The following BAZ2B variants were observed in gnomAD, a reference collection of about 807,000 sequenced individuals.
BAZ2B encodes the protein bromodomain adjacent to zinc finger domain 2B.
Under a neutral mutation model 246.0 loss-of-function variants are expected in BAZ2B, and 91 were observed. That is an observed-to-expected ratio of 0.37 (90% CI 0.31 to 0.44). The LOEUF is 0.44. Among genes scored for constraint, BAZ2B ranks in the 20% least tolerant of loss-of-function variants. The pLI is 1.00. For synonymous variants in BAZ2B, 855 were observed against 860.0 expected, an observed-to-expected ratio of 0.99 and a Z score of 0.10; for missense variants, 2,332 against 2,533.7, an observed-to-expected ratio of 0.92 and a Z score of 1.71.
intron 3 of BAZ2B, among the ~76,000 whole-genome samples, chr2:159,455,574 G>GC (rs2075631664): frequency 6.6e-6 from 1 of 151,914 alleles, no homozygotes; most frequent in African/African-American, 2.4e-5. Context: ...CAAGGAAAGG[G>GC]CATAAACTTG....
chr2:159,445,944 T>C (rs1043408924), intron 6 of BAZ2B, among the ~76,000 whole-genome samples: 3 of 152,088 alleles, frequency 2.0e-5, no homozygotes, highest in Admixed American at 6.5e-5. Context: ...TGAGATCCCA[T>C]CTCTGCAAAA....
At chr2:159,536,953 T>C (rs920622865) in intron 2 of BAZ2B, among the ~76,000 whole-genome samples, 2 of 152,140 alleles carry the variant, frequency 1.3e-5, no homozygotes, top group African/African-American at 4.8e-5. Flanking sequence ...AAAATAAAAA[T>C]ATCACTTTAA....
the BAZ2B span, among the ~76,000 whole-genome samples, chr2:159,700,485 G>A: frequency 5.3e-5 from 8 of 151,942 alleles, no homozygotes; most frequent in Non-Finnish European, 8.8e-5. Context: ...TGTCCCTATC[G>A]CCCAGGCAGG....
At chr2:159,635,364 A>T in the BAZ2B span, among the ~76,000 whole-genome samples, 9 of 150,848 alleles carry the variant, frequency 6.0e-5, no homozygotes, top group African/African-American at 2.2e-4. Context: ...GTAAAAAAAA[A>T]ATAAAAATAA....
downstream of BAZ2B, among the ~76,000 whole-genome samples, chr2:159,318,437 A>T (rs913292622): frequency 5.9e-5 from 9 of 152,198 alleles, no homozygotes; most frequent in East Asian, 1.9e-4. Flanking sequence ...AGTTAAAAAA[A>T]TTTTTTGCAA....
the BAZ2B span, among the ~76,000 whole-genome samples, chr2:159,655,301 A>G: frequency 8.5e-5 from 13 of 152,132 alleles, no homozygotes; most frequent in Non-Finnish European, 1.6e-4. Context: ...TCATTTCTGA[A>G]AGCTAATTTT....
intron 2 of BAZ2B, among the ~76,000 whole-genome samples, chr2:159,511,426 A>G (rs372893871): frequency 4.5e-4 from 68 of 152,200 alleles, no homozygotes; most frequent in African/African-American, 1.6e-3. Flanking sequence ...GGCTGGTCTC[A>G]AACTCCTGAA....
chr2:159,404,055 G>A (rs1172951800), intron 16 of BAZ2B, among the ~76,000 whole-genome samples: 1 of 152,000 alleles, frequency 6.6e-6, no homozygotes, highest in Admixed American at 6.6e-5. Flanking sequence ...CATTTATTTA[G>A]CAGGTATTTA....
the BAZ2B span, chr2:159,694,104 C>CA: frequency 6.6e-6 from 1 of 151,878 alleles, no homozygotes; most frequent in Non-Finnish European, 1.5e-5. Context: ...GGTAAAATGT[C>CA]ATATATGTGG....
intron 2 of BAZ2B, among the ~76,000 whole-genome samples, chr2:159,538,258 T>C (rs1259703305): frequency 6.6e-6 from 1 of 152,212 alleles, no homozygotes; most frequent in Non-Finnish European, 1.5e-5. Context: ...GTCAATTTTA[T>C]AGAAAGGCTT....
At chr2:159,391,507 T>C (rs1218240136) in intron 20 of BAZ2B, among the ~76,000 whole-genome samples, 1 of 152,146 alleles carries the variant, frequency 6.6e-6, no homozygotes, top group Non-Finnish European at 1.5e-5. Flanking sequence ...TACTAGTTAC[T>C]AAAGTTGTTA....
At position 159,616,393 on chromosome 2, in the gene BAZ2B, T is replaced by C. The variant is rs557784403; in HGVS notation, c.-197A>G. On this transcript the variant is annotated 5_prime_UTR_variant, in exon 1 of 37. Coordinates refer to ENST00000392783, the MANE Select transcript of BAZ2B (RefSeq NM_013450.4). ...AAAGAGAGTTGTAGTGGAGGTGAGA[T>C]TTGTGATCGGGAAAGCCTTCGACTC... is the stretch of plus-strand genomic sequence containing the variant. 6.6e-6 allele frequency: 1 copy of C among 152,344 alleles called. No homozygotes were observed. The highest frequency in any genetic ancestry group is 2.4e-5 in the African/African-American group (1 of 41,572). 9.4% of individuals were successfully genotyped at this position (152,344 alleles called of 1,614,324 possible). A position where few individuals can be genotyped will look rare whatever the true frequency, so the allele number is the denominator to read the frequency against.
At chr2:159,320,694 C>G (rs1214972208) in intron 36 of BAZ2B, among the ~76,000 whole-genome samples, 1 of 152,182 alleles carries the variant, frequency 6.6e-6, no homozygotes, top group Non-Finnish European at 1.5e-5. Flanking sequence ...TAACCCAACT[C>G]CTGTTTGACC....
chr2:159,426,537 T>C (rs2069929391), intron 13 of BAZ2B, among the ~76,000 whole-genome samples: 1 of 152,128 alleles, frequency 6.6e-6, no homozygotes, highest in South Asian at 2.1e-4. Flanking sequence ...TCAAAATCTT[T>C]AGTTTTTAAA....
At position 159,429,054 on chromosome 2, in the gene BAZ2B, C is replaced by T. The variant is rs546147931; in HGVS notation, c.2255+146G>A. ...GTTTTCTGATATACCAAATTCCTTG[C>T]CCTTTGCTCCGGCTCTTCTGCTCTA... On this transcript the variant is annotated intron_variant, in intron 11 of 36. Transcript: ENST00000392783. 6.1e-6 allele frequency: 3 copies of T among 491,842 alleles called. No homozygotes were observed. The Admixed American group carries it at 1.2e-4, about 20-fold the overall frequency. 30.5% of individuals were successfully genotyped at this position (491,842 alleles called of 1,614,324 possible). A position where few individuals can be genotyped will look rare whatever the true frequency, so the allele number is the denominator to read the frequency against.
At chr2:159,685,470 T>A in the BAZ2B span, among the ~76,000 whole-genome samples, 1 of 152,126 alleles carries the variant, frequency 6.6e-6, no homozygotes, top group Non-Finnish European at 1.5e-5. Flanking sequence ...AGATCTTGGT[T>A]TCTAAATATC....
At chr2:159,410,780 T>C (rs1181467116) in intron 14 of BAZ2B, among the ~76,000 whole-genome samples, 1 of 152,168 alleles carries the variant, frequency 6.6e-6, no homozygotes, top group East Asian at 1.9e-4. Context: ...GAAAATGATT[T>C]GTGTAATATG....
Position 159,431,129 on chromosome 2 carries a change from GTATCTGATTCTGAATTAC to G in BAZ2B, c.1910_1927del (p.Ser637_Asp642del). 1.2e-6 allele frequency: 2 copies of G among 1,609,206 alleles called. No homozygotes were observed. The highest frequency in any genetic ancestry group is 2.7e-5 in the African/African-American group (2 of 74,742). The stretch of plus-strand genomic sequence containing the variant: ...ATCATCTTCTTCTTCTGATCCTTCT[GTATCTGATTCTGAATTAC>G]TATCTGATTCTGGGAAGTAAAAGAA... On this transcript the variant is annotated inframe_deletion, in exon 10 of 37. Transcript: ENST00000392783.
intron 33 of BAZ2B, among the ~76,000 whole-genome samples, chr2:159,333,743 G>C (rs1475737942): frequency 6.6e-6 from 1 of 152,062 alleles, no homozygotes; most frequent in Non-Finnish European, 1.5e-5. Context: ...TTATATCTTA[G>C]TCTGGGAAAG....
Sources: allele counts gnomAD v4.1 joint callset (sites outside exome capture counted in the v4.1 genomes callset), GRCh38; gene constraint gnomAD v4.1.1; transcripts MANE v1.5; gene names NCBI Gene and HGNC (gene_info 2026-07-23, HGNC 2026-07-21).